Variants in SYCP1 observed in about 807,000 individuals in gnomAD.
SYCP1 encodes the protein synaptonemal complex protein 1, also known as cancer/testis antigen 8.
In SYCP1, 64 loss-of-function variants were observed where a neutral mutation model predicts 153.1. The observed-to-expected ratio is 0.42, with a 90% CI of 0.34 to 0.51. The LOEUF (loss-of-function observed/expected upper bound fraction) is 0.51. SYCP1 is among the 20% of genes least tolerant of loss of function. The probability of loss-of-function intolerance (pLI) is 0.06; values close to 1 mark genes in which losing one functional copy is unlikely to be tolerated. For missense variants in SYCP1, 997 were observed against 1,049.0 expected (o/e 0.95, Z 0.68); for synonymous variants, 384 against 341.8 (o/e 1.12, Z -1.36).
chr1:114,876,251 T>C (rs1468674488), intron 10 of SYCP1, 113 bp downstream of exon 10: 2 of 586,888 alleles, frequency 3.4e-6, no homozygotes, highest in African/African-American at 3.9e-5. Context: ...CTATTTTCTA[T>C]TTTATTTATT....
chr1:114,860,849 T>C lies in SYCP1; in HGVS notation c.598+40T>C, dbSNP rs770808574. On this transcript the variant is annotated intron_variant, in intron 8 of 31. Coordinates refer to ENST00000369522, the MANE Select transcript of SYCP1 (RefSeq NM_003176.4). ...TGTTTTATGTGATTTTATCAATTTATTTTACTGGTAGAGGTGGAGAGGGAA... is the reference window on the plus strand; with the variant it reads ...TGTTTTATGTGATTTTATCAATTTACTTTACTGGTAGAGGTGGAGAGGGAA... 8 of 1,446,258 alleles carry C rather than the reference T, an allele frequency of 5.5e-6. No individual in the cohort carries two copies. In the Admixed American group the frequency reaches 1.9e-4, roughly 34 times the overall value. The allele number at this position is 1,446,258 out of a possible 1,614,324, so 89.6% of individuals were successfully genotyped here.
At chr1:114,929,487 G>T (rs1181039382) in intron 23 of SYCP1, among the ~76,000 whole-genome samples, 2 of 151,706 alleles carry the variant, frequency 1.3e-5, no homozygotes, top group Non-Finnish European at 2.9e-5. Flanking sequence ...ACACAAAGAG[G>T]TTTAAAGGAA....
Position 114,860,778 on chromosome 1 carries a change from C to T in SYCP1, c.567C>T (p.Thr189=). ...TRHLCNLLKE[T]CARSAEKTKK... Reference sequence around the variant, plus strand: ...ATTTATGTAATCTACTCAAAGAAACCTGTGCTAGATCTGCAGAAAAGACAA... The same window carrying T: ...ATTTATGTAATCTACTCAAAGAAACTTGTGCTAGATCTGCAGAAAAGACAA... The change falls in exon 8 of 32, where the codon ACC becomes ACT. Residue 189 remains threonine, a synonymous_variant. Coordinates refer to ENST00000369522, the MANE Select transcript of SYCP1 (RefSeq NM_003176.4). The T allele has an allele frequency of 6.3e-7, 1 of 1,594,322 alleles. No individual in the cohort carries two copies. Among genetic ancestry groups the T allele is most frequent in the Non-Finnish European group, 8.5e-7 (1 of 1,173,176 alleles).
intron 2 of SYCP1, 63 bp from the exon 3 acceptor site, chr1:114,856,510 T>C: frequency 8.9e-7 from 1 of 1,126,622 alleles, no homozygotes; most frequent in Non-Finnish European, 1.3e-6. Context: ...ATGTATATAT[T>C]ACACTATTAG....
intron 1 of SYCP1, 46 bp from the exon 2 acceptor site, chr1:114,855,395 G>A: frequency 8.5e-7 from 1 of 1,173,064 alleles, no homozygotes; most frequent in Non-Finnish European, 1.2e-6. Flanking sequence ...CATGACACTC[G>A]GTGAAAAAAA....
chr1:114,965,769 C>A (rs1233139609), intron 27 of SYCP1, among the ~76,000 whole-genome samples: 1 of 152,116 alleles, frequency 6.6e-6, no homozygotes, highest in Admixed American at 6.5e-5. Flanking sequence ...TGAGGATTAT[C>A]ACATCGATGT....
intron 29 of SYCP1, among the ~76,000 whole-genome samples, chr1:114,981,720 C>A (rs1673168270): frequency 6.6e-6 from 1 of 152,024 alleles, no homozygotes; most frequent in Non-Finnish European, 1.5e-5. Flanking sequence ...AACTCATCCT[C>A]CTGTCTTGGC....
At chr1:114,964,948 T>A (rs1445754761) in intron 27 of SYCP1, among the ~76,000 whole-genome samples, 1 of 152,202 alleles carries the variant, frequency 6.6e-6, no homozygotes, top group Admixed American at 6.5e-5. Flanking sequence ...GTAAATTACT[T>A]TGGGCAGCAT....
At chr1:114,855,338 T>TA in intron 1 of SYCP1, 103 bp from the exon 2 acceptor site, 1 of 553,342 alleles carries the variant, frequency 1.8e-6, no homozygotes, top group Non-Finnish European at 3.0e-6. Flanking sequence ...CCTTTTTTTT[T>TA]AGCCATTTAG....
intron 27 of SYCP1, among the ~76,000 whole-genome samples, 183 bp downstream of exon 27, chr1:114,947,503 C>T (rs1670786503): frequency 6.6e-6 from 1 of 151,942 alleles, no homozygotes; most frequent in Non-Finnish European, 1.5e-5. Context: ...ATGCAAAACA[C>T]ACGTAAATAT....
chr1:114,987,253 G>A (rs975626212), intron 30 of SYCP1, among the ~76,000 whole-genome samples: 3 of 151,932 alleles, frequency 2.0e-5, no homozygotes, highest in Non-Finnish European at 4.4e-5. Context: ...CTGATCCCTG[G>A]CACAGACTTT....
chr1:114,858,514 G>T, intron 5 of SYCP1, 33 bp from the exon 6 acceptor site: 1 of 1,533,416 alleles, frequency 6.5e-7, no homozygotes, highest in South Asian at 1.3e-5. Context: ...TTAGAATTTT[G>T]GACAATTAAT....
At chr1:114,992,290 A>G (rs546914063) in intron 30 of SYCP1, among the ~76,000 whole-genome samples, 1 of 151,888 alleles carries the variant, frequency 6.6e-6, no homozygotes, top group African/African-American at 2.4e-5. Context: ...GCATAAATGG[A>G]AAAAATACTC....
At chr1:114,924,296 T>C (rs1248628372) in intron 21 of SYCP1, among the ~76,000 whole-genome samples, 2 of 152,174 alleles carry the variant, frequency 1.3e-5, no homozygotes, top group African/African-American at 4.8e-5. Context: ...CACTTATTCC[T>C]GAGTCAATCA....
At chr1:114,947,444 T>C in intron 27 of SYCP1, 124 bp downstream of exon 27, 2 of 670,634 alleles carry the variant, frequency 3.0e-6, no homozygotes, top group Non-Finnish European at 4.9e-6. Flanking sequence ...AAAATAATTT[T>C]CCCCCAGAAG....
At chr1:114,890,552 G>T (rs1008685423) in intron 15 of SYCP1, among the ~76,000 whole-genome samples, 2 of 152,036 alleles carry the variant, frequency 1.3e-5, no homozygotes, top group African/African-American at 2.4e-5. Context: ...TGCATAGTTG[G>T]AAAAGGCTTT....
At chr1:114,900,398 A>C (rs1667350214) in intron 16 of SYCP1, among the ~76,000 whole-genome samples, 1 of 152,180 alleles carries the variant, frequency 6.6e-6, no homozygotes, top group African/African-American at 2.4e-5. Flanking sequence ...TTCCTGCCTG[A>C]GCCTCCTGAG....
chr1:114,973,541 G>T (rs1672621158), intron 27 of SYCP1, among the ~76,000 whole-genome samples: 2 of 151,966 alleles, frequency 1.3e-5, no homozygotes, highest in South Asian at 4.1e-4. Flanking sequence ...AGTAGTAATA[G>T]GGTGAGGAGC....
At chr1:114,949,177 G>T (rs897742024) in intron 27 of SYCP1, among the ~76,000 whole-genome samples, 4 of 152,252 alleles carry the variant, frequency 2.6e-5, no homozygotes, top group Middle Eastern at 3.4e-3. Flanking sequence ...TTGTGTTTGC[G>T]CAATGGGGCA....
Sources: gnomAD v4.1 joint callset for allele counts (sites outside exome capture counted in the v4.1 genomes callset) on GRCh38, gnomAD v4.1.1 for gene constraint, MANE v1.5 for transcripts, NCBI Gene and HGNC (gene_info 2026-07-23, HGNC 2026-07-21) for gene names.